Variants in PRSS23 observed in about 807,000 individuals in gnomAD.
PRSS23 encodes the protein serine protease 23.
A neutral mutation model predicts 34.7 loss-of-function variants in PRSS23; 25 were observed. The observed-to-expected ratio is 0.72, with a 90% CI of 0.53 to 1.01. PRSS23 has a LOEUF of 1.01. Ranked by LOEUF, PRSS23 falls within the 50% of genes least tolerant of loss-of-function variation. The pLI, the probability that PRSS23 is intolerant of heterozygous loss-of-function variation, is 0.00. For synonymous variants in PRSS23, 176 were observed against 186.6 expected (o/e 0.94, Z 0.46); for missense variants, 445 against 475.6 (o/e 0.94, Z 0.60).
At chr11:86,821,654 G>C in intron 1 of PRSS23, 1 of 1,569,224 alleles carries the variant, frequency 6.4e-7, no homozygotes, top group Non-Finnish European at 8.7e-7. Flanking sequence ...GCTGGTTCAA[G>C]AATTTTGTCA....
At chr11:86,941,206 C>T (rs562384954) in intron 2 of PRSS23, among the ~76,000 whole-genome samples, 2 of 152,110 alleles carry the variant, frequency 1.3e-5, no homozygotes, top group African/African-American at 2.4e-5. Context: ...AATGGTGAGA[C>T]GACAGCAGTT....
chr11:86,817,867 T>C (rs147907163), intron 1 of PRSS23, among the ~76,000 whole-genome samples: 3 of 152,198 alleles, frequency 2.0e-5, no homozygotes, highest in East Asian at 1.9e-4. Context: ...GAGGGGCTAA[T>C]TGAAGCAAGG....
intron 2 of PRSS23, among the ~76,000 whole-genome samples, chr11:86,861,239 G>A (rs1948612034): frequency 6.7e-6 from 1 of 149,696 alleles, no homozygotes; most frequent in Admixed American, 6.6e-5. Context: ...GTGGGAGAGG[G>A]GGGCGATATT....
At chr11:86,827,102 G>A (rs566980879) in intron 2 of PRSS23, among the ~76,000 whole-genome samples, 7 of 152,188 alleles carry the variant, frequency 4.6e-5, no homozygotes, top group Middle Eastern at 3.4e-3. Flanking sequence ...GGTAGAATTC[G>A]GCTGTGAATC....
intron 2 of PRSS23, among the ~76,000 whole-genome samples, chr11:86,880,318 C>A (rs941746000): frequency 1.3e-5 from 2 of 150,614 alleles, no homozygotes; most frequent in African/African-American, 2.5e-5. Flanking sequence ...CGGAAGGCCG[C>A]AGGGTCCTCT....
chr11:86,819,257 T>A (rs1365882059), intron 1 of PRSS23, among the ~76,000 whole-genome samples: 1 of 152,108 alleles, frequency 6.6e-6, no homozygotes, highest in Admixed American at 6.5e-5. Flanking sequence ...ATCACAGACC[T>A]GACACTCTGC....
intron 1 of PRSS23, among the ~76,000 whole-genome samples, chr11:86,819,187 T>C (rs1178367773): frequency 6.6e-6 from 1 of 152,060 alleles, no homozygotes; most frequent in Non-Finnish European, 1.5e-5. Context: ...TTAAGCATCA[T>C]CCAAATAGCG....
chr11:86,891,786 T>C (rs894363522), intron 2 of PRSS23, among the ~76,000 whole-genome samples: 5 of 152,116 alleles, frequency 3.3e-5, no homozygotes, highest in African/African-American at 1.2e-4. Context: ...GTTCTTGTGC[T>C]AGTGAGTGAG....
intron 2 of PRSS23, chr11:86,951,041 G>A: frequency 7.8e-7 from 1 of 1,290,308 alleles, no homozygotes; most frequent in South Asian, 1.2e-5. Context: ...TTGCTAGTTT[G>A]TTCAAACTGA....
chr11:86,857,232 G>A (rs910127020), intron 2 of PRSS23: 62 of 347,472 alleles, frequency 1.8e-4, no homozygotes, highest in African/African-American at 9.8e-4. Context: ...TCAGGTACAC[G>A]CCAATGCCTG....
At chr11:86,886,807 T>C (rs1336142566) in intron 2 of PRSS23, among the ~76,000 whole-genome samples, 4 of 151,882 alleles carry the variant, frequency 2.6e-5, no homozygotes, top group African/African-American at 9.7e-5. Flanking sequence ...GGCATGGTGG[T>C]GGGCACCTGT....
At chr11:86,857,937 G>C (rs977673137) in intron 2 of PRSS23, 2 of 436,506 alleles carry the variant, frequency 4.6e-6, no homozygotes, top group Non-Finnish European at 9.1e-6. Flanking sequence ...GCCCAGTGAG[G>C]ACGGGCTGTC....
In PRSS23 at chr11:86,807,638, C is replaced by G. The variant is rs1948117065; in HGVS notation, c.-6C>G. 1 of 1,604,032 alleles carries G rather than the reference C, an allele frequency of 6.2e-7. No individual in the cohort carries two copies. Among genetic ancestry groups the G allele is most frequent in the Admixed American group, 1.7e-5 (1 of 59,348 alleles). ...TTGTCTTTGTTTCTACAGAACAGTG[C>G]TCGGCATGGCAGGGATTCCAGGGCT... is the stretch of plus-strand genomic sequence containing the variant. On this transcript the variant is annotated 5_prime_UTR_variant, in exon 2 of 2. Transcript: ENST00000280258.
At chr11:86,904,431 T>C (rs1251632933) in intron 2 of PRSS23, among the ~76,000 whole-genome samples, 1 of 152,120 alleles carries the variant, frequency 6.6e-6, no homozygotes, top group African/African-American at 2.4e-5. Context: ...TGGCTTTCCT[T>C]TGCCTGGAGT....
intron 2 of PRSS23, among the ~76,000 whole-genome samples, chr11:86,866,629 T>C (rs12805700): frequency 0.31 from 46,628 of 152,086 alleles, 7,390 homozygotes; most frequent in Non-Finnish European, 0.35. Flanking sequence ...ATGATTTCAA[T>C]GTGGTTTGTT....
chr11:86,831,516 A>G (rs1948355588), intron 2 of PRSS23, among the ~76,000 whole-genome samples: 1 of 151,974 alleles, frequency 6.6e-6, no homozygotes, highest in Non-Finnish European at 1.5e-5. Context: ...ACACCGTGAT[A>G]TTATTCGTAA....
At chr11:86,818,498 G>A (rs148203085) in intron 1 of PRSS23, among the ~76,000 whole-genome samples, 27 of 152,014 alleles carry the variant, frequency 1.8e-4, no homozygotes, top group Non-Finnish European at 3.7e-4. Context: ...AAATCAACAC[G>A]TAACTTGAAA....
intron 1 of PRSS23, among the ~76,000 whole-genome samples, chr11:86,820,498 G>A (rs1948244248): frequency 6.6e-6 from 1 of 152,142 alleles, no homozygotes; most frequent in Non-Finnish European, 1.5e-5. Context: ...CATCCTGTAT[G>A]TACCAGTCCA....
intron 2 of PRSS23, among the ~76,000 whole-genome samples, chr11:86,840,516 G>A: frequency 6.6e-6 from 1 of 152,088 alleles, no homozygotes; most frequent in Admixed American, 6.5e-5. Context: ...ATAATGGGAG[G>A]CTTTAACACC....
Sources: allele counts gnomAD v4.1 joint callset (sites outside exome capture counted in the v4.1 genomes callset), GRCh38; gene constraint gnomAD v4.1.1; transcripts MANE v1.5; gene names NCBI Gene and HGNC (gene_info 2026-07-23, HGNC 2026-07-21).